The following ATP2B2 variants were observed in gnomAD, a reference collection of about 807,000 sequenced individuals.
ATP2B2 encodes the protein ATPase plasma membrane Ca2+ transporting 2.
ATP2B2 carries 15 observed loss-of-function variants against 120.0 expected under a neutral mutation model. The ratio of observed to expected loss-of-function variants is 0.12; its 90% CI spans 0.08 to 0.19. The LOEUF (loss-of-function observed/expected upper bound fraction) is 0.19. Among genes scored for constraint, ATP2B2 ranks in the 10% least tolerant of loss-of-function variants. The pLI, the probability that ATP2B2 is intolerant of heterozygous loss-of-function variation, is 1.00. For missense variants in ATP2B2, 1,045 were observed against 1,719.8 expected, an observed-to-expected ratio of 0.61 and a Z score of 6.94; for synonymous variants, 694 against 700.3, an observed-to-expected ratio of 0.99 and a Z score of 0.14.
chr3:10,630,152 CA>C (rs58222167), intron 1 of ATP2B2, among the ~76,000 whole-genome samples: 111,931 of 152,100 alleles, frequency 0.74, 41,598 homozygotes, highest in Middle Eastern at 0.79. Flanking sequence ...AACACAATTT[CA>C]TTTTAAAATT....
intron 2 of ATP2B2, among the ~76,000 whole-genome samples, chr3:10,562,884 T>C (rs938982529): frequency 3.3e-5 from 5 of 152,242 alleles, no homozygotes; most frequent in African/African-American, 9.6e-5. Context: ...TGCAATTATG[T>C]ATGTATGTAT....
chr3:10,585,600 A>G (rs1406458411), intron 2 of ATP2B2, among the ~76,000 whole-genome samples: 1 of 148,206 alleles, frequency 6.7e-6, no homozygotes, highest in Admixed American at 6.8e-5. Context: ...CACCTTCCCT[A>G]GTCACTCTCT....
At chr3:10,489,001 C>T (rs866770592) in intron 1 of ATP2B2, among the ~76,000 whole-genome samples, 5 of 152,194 alleles carry the variant, frequency 3.3e-5, no homozygotes, top group Admixed American at 6.5e-5. Flanking sequence ...CTGAATTCAT[C>T]TCCTACCCCT....
At chr3:10,422,316 T>A (rs1022791938) in intron 2 of ATP2B2, among the ~76,000 whole-genome samples, 2 of 152,214 alleles carry the variant, frequency 1.3e-5, no homozygotes, top group African/African-American at 4.8e-5. Flanking sequence ...GTTGCGGGCA[T>A]CTGCTGTGAT....
At chr3:10,682,047 T>G (rs1270987422) in intron 1 of ATP2B2, among the ~76,000 whole-genome samples, 1 of 152,108 alleles carries the variant, frequency 6.6e-6, no homozygotes, top group Non-Finnish European at 1.5e-5. Flanking sequence ...TCATGAGGGA[T>G]GAGTAGGAGT....
At chr3:10,610,068 TACACACATACACACAC>T (rs1470484963) in intron 2 of ATP2B2, among the ~76,000 whole-genome samples, 1 of 81,742 alleles carries the variant, frequency 1.2e-5, no homozygotes, top group Admixed American at 1.4e-4. Context: ...CATATACATA[TACACACATACACACAC>T]ACACACACAC....
chr3:10,586,519 A>G (rs1262171481), intron 2 of ATP2B2, among the ~76,000 whole-genome samples: 1 of 152,190 alleles, frequency 6.6e-6, no homozygotes, highest in Non-Finnish European at 1.5e-5. Context: ...GAGAGTGACT[A>G]GGGATGTGAG....
chr3:10,568,824 G>C (rs920939544), intron 2 of ATP2B2, among the ~76,000 whole-genome samples: 1 of 152,206 alleles, frequency 6.6e-6, no homozygotes, highest in Non-Finnish European at 1.5e-5. Flanking sequence ...ACAAGCAGCT[G>C]TGGCTGTCAC....
At chr3:10,488,441 C>G (rs932932401) in intron 1 of ATP2B2, among the ~76,000 whole-genome samples, 1 of 152,002 alleles carries the variant, frequency 6.6e-6, no homozygotes, top group Admixed American at 6.5e-5. Flanking sequence ...ACCTATCCAT[C>G]CATCCATCCA....
intron 2 of ATP2B2, among the ~76,000 whole-genome samples, chr3:10,618,770 T>C (rs752597100): frequency 1.3e-5 from 2 of 152,130 alleles, no homozygotes; most frequent in African/African-American, 4.8e-5. Context: ...GAAGAAACCA[T>C]GAAAGAAACA....
In ATP2B2 at chr3:10,577,741, G is replaced by T. The variant is rs141965748; in HGVS notation, c.-415+42176C>A. On this transcript the variant is annotated intron_variant, in intron 2 of 21. Transcript: ENST00000646379. ...CTCATGGGGATGCATTCCCGGCAGC[G>T]TGACTCGGAATGGCAGGGTTACCGG... is the stretch of plus-strand genomic sequence containing the variant. Among the ~76,000 whole-genome samples, 809 of 152,310 alleles carry T rather than the reference G, an allele frequency of 5.3e-3. 3 individuals are homozygous for T. Among genetic ancestry groups the T allele is most frequent in the African/African-American group, 7.1e-3 (295 of 41,570 alleles).
chr3:10,358,581 T>G, intron 14 of ATP2B2, 110 bp downstream of exon 14: 1 of 1,018,004 alleles, frequency 9.8e-7, no homozygotes, highest in Non-Finnish European at 1.5e-6. Flanking sequence ...CCATGGGCAT[T>G]ATGTGGAAAC....
intron 1 of ATP2B2, among the ~76,000 whole-genome samples, chr3:10,490,389 T>C (rs1382895993): frequency 6.9e-6 from 1 of 145,868 alleles, no homozygotes; most frequent in Non-Finnish European, 1.5e-5. Context: ...TACATGTCAG[T>C]CCACGGCATT....
Position 10,402,123 on chromosome 3 carries a change from A to G in ATP2B2, c.623T>C (p.Ile208Thr). 2 of 1,614,082 alleles carry G rather than the reference A, an allele frequency of 1.2e-6. No individual in the cohort carries two copies. Among genetic ancestry groups the G allele is most frequent in the Non-Finnish European group, 1.7e-6 (2 of 1,180,028 alleles). ...GQVVQIPVAE[I>T]VVGDIAQVKY... is the part of the protein sequence containing the mutation. ...GACCTGGGCTATGTCCCCAACCACG[A>G]TCTCAGCCACAGGGATCTGGACCAC... is the stretch of plus-strand genomic sequence containing the variant. Residue 208 changes from isoleucine to threonine, a missense_variant, in exon 4 of 23, where the codon ATC becomes ACC. Physicochemically the swap from Ile to Thr is moderately conservative, Grantham distance 89 (BLOSUM62 -1). Around this residue, in one of 11 missense-constraint regions of ATP2B2, gnomAD observed 35 missense variants for 29.9 expected, o/e 1.17. Transcript: ENST00000360273. The surrounding 1 kb of genome is among the most constrained non-coding windows in gnomAD (Gnocchi z 4.9).
chr3:10,358,503 C>T (rs1278229350), intron 14 of ATP2B2, among the ~76,000 whole-genome samples, 188 bp downstream of exon 14: 2 of 152,218 alleles, frequency 1.3e-5, no homozygotes, highest in African/African-American at 2.4e-5. Flanking sequence ...CTGGGCCGAC[C>T]CATGCCACAT....
chr3:10,577,167 C>T (rs1416186903), intron 2 of ATP2B2, among the ~76,000 whole-genome samples: 2 of 151,908 alleles, frequency 1.3e-5, no homozygotes, highest in Non-Finnish European at 2.9e-5. Context: ...TCCAGATCTA[C>T]TGAGCTGGAA....
chr3:10,519,798 C>G (rs2066946660), intron 3 of ATP2B2, among the ~76,000 whole-genome samples: 2 of 152,234 alleles, frequency 1.3e-5, no homozygotes, highest in South Asian at 4.1e-4. Context: ...GTTCATTCAA[C>G]AAACATTGGC....
At chr3:10,582,726 GA>G (rs1445322337) in intron 2 of ATP2B2, among the ~76,000 whole-genome samples, 2 of 152,156 alleles carry the variant, frequency 1.3e-5, no homozygotes, top group Non-Finnish European at 2.9e-5. Context: ...AGAGGGGGCT[GA>G]GCCTGGTGAT....
chr3:10,511,528 G>A (rs762435868), intron 3 of ATP2B2, among the ~76,000 whole-genome samples: 5 of 152,160 alleles, frequency 3.3e-5, no homozygotes, highest in Admixed American at 1.3e-4. Context: ...TTCTTTGGAC[G>A]CATTTAGGGG....
Sources: allele counts gnomAD v4.1 joint callset (sites outside exome capture counted in the v4.1 genomes callset), GRCh38; gene constraint gnomAD v4.1.1; regional missense constraint gnomAD v4.1.1; non-coding constraint Gnocchi (gnomAD v3.1); transcripts MANE v1.5; gene names NCBI Gene and HGNC (gene_info 2026-07-23, HGNC 2026-07-21).